Variants in SLC35D2 observed in about 807,000 individuals in gnomAD.
SLC35D2 encodes nucleotide sugar transporter SLC35D2.
Under a neutral mutation model 41.8 loss-of-function variants are expected in SLC35D2, and 43 were observed. The ratio of observed to expected loss-of-function variants is 1.03; its 90% CI spans 0.81 to 1.33. SLC35D2 has a LOEUF of 1.33. SLC35D2 is among the 40% of genes most tolerant of loss of function. The pLI is 0.00. For missense variants in SLC35D2, 380 were observed against 408.4 expected (o/e 0.93, Z 0.60); for synonymous variants, 150 against 163.9 (o/e 0.92, Z 0.65).
At chr9:96,369,135 A>G (rs1476960183) in intron 1 of SLC35D2, among the ~76,000 whole-genome samples, 1 of 152,138 alleles carries the variant, frequency 6.6e-6, no homozygotes, top group African/African-American at 2.4e-5. Flanking sequence ...GGAGATGGAC[A>G]CAAATGCAGC....
intron 1 of SLC35D2, among the ~76,000 whole-genome samples, chr9:96,377,571 A>G (rs1164762538): frequency 6.6e-6 from 1 of 152,240 alleles, no homozygotes; most frequent in Non-Finnish European, 1.5e-5. Flanking sequence ...TGTATGACTC[A>G]CATGGCAATT....
chr9:96,338,102 G>GT (rs1829136209), intron 8 of SLC35D2, among the ~76,000 whole-genome samples: 1 of 151,554 alleles, frequency 6.6e-6, no homozygotes, highest in South Asian at 2.1e-4. Flanking sequence ...TTTATTCATG[G>GT]TTGGCCCCTG....
intron 2 of SLC35D2, among the ~76,000 whole-genome samples, chr9:96,365,711 T>C (rs1025562805): frequency 6.6e-6 from 1 of 152,218 alleles, no homozygotes; most frequent in Non-Finnish European, 1.5e-5. Flanking sequence ...CTAGCTGGTA[T>C]AGCAAAAATG....
chr9:96,343,867 C>T, intron 8 of SLC35D2, 37 bp downstream of exon 8: 2 of 1,358,822 alleles, frequency 1.5e-6, no homozygotes, highest in East Asian at 2.6e-5. Context: ...TTTTTAAAGC[C>T]AGCTAAGGAA....
chr9:96,330,041 G>T (rs1828737596), intron 9 of SLC35D2, among the ~76,000 whole-genome samples: 1 of 152,276 alleles, frequency 6.6e-6, no homozygotes, highest in Non-Finnish European at 1.5e-5. Flanking sequence ...GAAGCCTTTG[G>T]TGTAACTTGG....
At chr9:96,315,161 C>A (rs901097499) in intron 11 of SLC35D2, among the ~76,000 whole-genome samples, 2 of 152,106 alleles carry the variant, frequency 1.3e-5, no homozygotes, top group Admixed American at 1.3e-4. Context: ...CCTTTGTCAC[C>A]CAGGCTGAAG....
At chr9:96,355,926 A>G (rs1474000849) in intron 4 of SLC35D2, among the ~76,000 whole-genome samples, 1 of 152,236 alleles carries the variant, frequency 6.6e-6, no homozygotes, top group Non-Finnish European at 1.5e-5. Flanking sequence ...CTCTTCAAAT[A>G]GATACACAGA....
At chr9:96,360,628 CAAAAAAAAAAA>C (rs906000581) in intron 3 of SLC35D2, among the ~76,000 whole-genome samples, 10 of 15,700 alleles carry the variant, frequency 6.4e-4, no homozygotes, top group East Asian at 5.5e-3. Flanking sequence ...GACTTCATCT[CAAAAAAAAAAA>C]AAAAAAAAAA....
At chr9:96,362,064 T>C (rs1052613862) in intron 3 of SLC35D2, among the ~76,000 whole-genome samples, 1 of 152,202 alleles carries the variant, frequency 6.6e-6, no homozygotes, top group Admixed American at 6.5e-5. Context: ...TTGTGGTATA[T>C]TCATACAATG....
chr9:96,369,530 T>C (rs1830599013), intron 1 of SLC35D2, among the ~76,000 whole-genome samples: 1 of 152,196 alleles, frequency 6.6e-6, no homozygotes, highest in African/African-American at 2.4e-5. Flanking sequence ...TCAGGATTCA[T>C]GTTCAAATTA....
intron 1 of SLC35D2, among the ~76,000 whole-genome samples, chr9:96,379,676 T>A (rs1429111388): frequency 1.3e-5 from 2 of 152,170 alleles, no homozygotes; most frequent in African/African-American, 4.8e-5. Context: ...TGTAACCACA[T>A]CAACCCACTC....
At position 96,336,595 on chromosome 9, in the gene SLC35D2, C is replaced by A. The variant is rs1014070824; in HGVS notation, c.752+122G>T. On this transcript the variant is annotated intron_variant, in intron 9 of 11. Coordinates refer to ENST00000253270, the MANE Select transcript of SLC35D2 (RefSeq NM_007001.3). ...TGACACCTCCTTTGCTGCAGGGGTA[C>A]TTTCCAGAGAAAGTCAGAGAAACAC... 8.7e-6 allele frequency: 6 copies of A among 688,508 alleles called. No individual in the cohort carries two copies. The African/African-American group carries it at 1.1e-4, about 12-fold the overall frequency. The allele number at this position is 688,508 out of a possible 1,614,324, so 42.6% of individuals were successfully genotyped here. A position where few individuals can be genotyped will look rare whatever the true frequency, so the allele number is the denominator to read the frequency against.
chr9:96,318,660 T>C (rs1254390899), downstream of SLC35D2, among the ~76,000 whole-genome samples: 1 of 151,682 alleles, frequency 6.6e-6, no homozygotes, highest in East Asian at 1.9e-4. Context: ...ATTAGGGAAA[T>C]ACAAATCAAA....
chr9:96,342,008 AC>A (rs1477793742), intron 8 of SLC35D2, among the ~76,000 whole-genome samples: 1 of 151,882 alleles, frequency 6.6e-6, no homozygotes, highest in Non-Finnish European at 1.5e-5. Context: ...ATTTAAAAAA[AC>A]AAAACAAAAC....
At chr9:96,326,125 G>A (rs924960533) in intron 9 of SLC35D2, among the ~76,000 whole-genome samples, 1 of 152,172 alleles carries the variant, frequency 6.6e-6, no homozygotes, top group African/African-American at 2.4e-5. Flanking sequence ...AAAGAAGAGC[G>A]TCGAAGTCTG....
intron 6 of SLC35D2, among the ~76,000 whole-genome samples, chr9:96,347,400 C>T (rs192551013): frequency 6.6e-6 from 1 of 152,330 alleles, no homozygotes; most frequent in Admixed American, 6.5e-5. Flanking sequence ...CCAGTGGTGA[C>T]AGCACAGACA....
At chr9:96,321,944 A>G (rs945360886) in intron 11 of SLC35D2, 54 bp downstream of exon 11, 6 of 992,150 alleles carry the variant, frequency 6.0e-6, no homozygotes, top group Non-Finnish European at 9.5e-6. Flanking sequence ...TATTAATCAG[A>G]GTGTTTAAGG....
At chr9:96,349,181 A>C (rs1389316046) in intron 6 of SLC35D2, among the ~76,000 whole-genome samples, 1 of 152,166 alleles carries the variant, frequency 6.6e-6, no homozygotes, top group Non-Finnish European at 1.5e-5. Context: ...CACCCATGAG[A>C]ACACACTTGC....
chr9:96,336,049 T>C (rs7046533), intron 9 of SLC35D2, among the ~76,000 whole-genome samples: 80,739 of 127,746 alleles, frequency 0.63, 24,819 homozygotes, highest in African/African-American at 0.84. Context: ...GACTCCATCT[T>C]CAAAAAAAAA....
Sources: allele counts gnomAD v4.1 joint callset (sites outside exome capture counted in the v4.1 genomes callset), GRCh38; gene constraint gnomAD v4.1.1; transcripts MANE v1.5; gene names NCBI Gene and HGNC (gene_info 2026-07-23, HGNC 2026-07-21).